Variants in RASEF observed in about 807,000 individuals in gnomAD.
RASEF encodes RAS and EF-hand domain containing.
RASEF carries 68 observed loss-of-function variants against 90.1 expected under a neutral mutation model. That is an observed-to-expected ratio of 0.75 (90% CI 0.62 to 0.92). The LOEUF is 0.92. Ranked by LOEUF, RASEF falls within the 40% of genes least tolerant of loss-of-function variation. The pLI, the probability that RASEF is intolerant of heterozygous loss-of-function variation, is 0.00. For missense variants in RASEF, 949 were observed against 937.2 expected, an observed-to-expected ratio of 1.01 and a Z score of -0.16; for synonymous variants, 331 against 345.2, an observed-to-expected ratio of 0.96 and a Z score of 0.46.
intron 14 of RASEF, among the ~76,000 whole-genome samples, chr9:82,994,241 C>T (rs559359824): frequency 5.3e-5 from 8 of 152,222 alleles, no homozygotes; most frequent in South Asian, 2.1e-4. Flanking sequence ...TTAATGCGCT[C>T]GTTAATTGTG....
chr9:83,063,593 A>G (rs1830255245), upstream of RASEF, among the ~76,000 whole-genome samples: 1 of 152,236 alleles, frequency 6.6e-6, no homozygotes, highest in Non-Finnish European at 1.5e-5. Context: ...TCTAACGTTA[A>G]GGTCCCACTG....
intron 16 of RASEF, among the ~76,000 whole-genome samples, chr9:82,983,431 C>A (rs941582428): frequency 6.6e-6 from 1 of 152,166 alleles, no homozygotes; most frequent in Non-Finnish European, 1.5e-5. Flanking sequence ...TCTCCAAGAT[C>A]TTATGAAAAC....
In RASEF at chr9:82,990,409, G is replaced by A. The variant is rs772621610; in HGVS notation, c.2099C>T (p.Ala700Val). 1 of 1,613,478 alleles carries A rather than the reference G, an allele frequency of 6.2e-7. No individual in the cohort carries two copies. Residue 700 changes from alanine (A) to valine (V), a missense_variant, in exon 16 of 17, where the codon GCT becomes GTT. Physicochemically the swap from Ala to Val is moderately conservative, Grantham distance 64 (BLOSUM62 0). Around this residue, in one of 3 missense-constraint regions of RASEF, gnomAD observed 288 missense variants for 328.4 expected, o/e 0.88. Transcript: ENST00000376447. The stretch of plus-strand genomic sequence containing the variant: ...ACTTTACCGAGCAAGGTGCAGAACA[G>A]CCTCCACTATGTTAGAACCATCTTT... The part of the protein sequence containing the change: ...SAKDGSNIVE[A>V]VLHLAREVKK...
chr9:83,103,639 A>G, the RASEF span, among the ~76,000 whole-genome samples: 1 of 152,190 alleles, frequency 6.6e-6, no homozygotes, highest in African/African-American at 2.4e-5. Context: ...AAGACACAGA[A>G]AAAAAGAGGT....
chr9:83,153,969 T>C, the RASEF span, among the ~76,000 whole-genome samples: 1 of 152,190 alleles, frequency 6.6e-6, no homozygotes, highest in South Asian at 2.1e-4. Context: ...CATGGAATAG[T>C]GGAGAATGCA....
the RASEF span, among the ~76,000 whole-genome samples, chr9:83,129,195 A>G: frequency 6.6e-6 from 1 of 152,114 alleles, no homozygotes; most frequent in African/African-American, 2.4e-5. Context: ...TCACAGGGTC[A>G]GGAGATCGAG....
chr9:83,027,418 T>G (rs902463504), intron 1 of RASEF, among the ~76,000 whole-genome samples: 2 of 152,184 alleles, frequency 1.3e-5, no homozygotes, highest in African/African-American at 4.8e-5. Context: ...CCTGAAGGTC[T>G]AGGGGTCCCC....
the RASEF span, among the ~76,000 whole-genome samples, chr9:83,102,630 G>A: frequency 6.6e-6 from 1 of 152,158 alleles, no homozygotes; most frequent in African/African-American, 2.4e-5. Flanking sequence ...GGAGACAGAG[G>A]GAACGAGGGA....
chr9:83,089,941 G>GATAGATAGATAC, the RASEF span, among the ~76,000 whole-genome samples: 15 of 137,130 alleles, frequency 1.1e-4, no homozygotes, highest in Non-Finnish European at 1.8e-4. Context: ...TAGATAGATA[G>GATAGATAGATAC]ATAGATATAG....
the RASEF span, among the ~76,000 whole-genome samples, chr9:83,079,232 A>C: frequency 6.6e-6 from 1 of 152,042 alleles, no homozygotes; most frequent in African/African-American, 2.4e-5. Context: ...TTTTGTATAG[A>C]GTGTAAGGAA....
chr9:83,083,983 G>A, the RASEF span, among the ~76,000 whole-genome samples: 2 of 151,996 alleles, frequency 1.3e-5, no homozygotes, highest in South Asian at 4.2e-4. Flanking sequence ...AGAATCTATA[G>A]GTTCAACAAC....
At chr9:83,101,261 C>T in the RASEF span, among the ~76,000 whole-genome samples, 1 of 152,166 alleles carries the variant, frequency 6.6e-6, no homozygotes, top group Non-Finnish European at 1.5e-5. Flanking sequence ...AGCACAGTTA[C>T]CTCTTATAAA....
chr9:82,989,192 A>G (rs1828767188), intron 16 of RASEF, among the ~76,000 whole-genome samples: 1 of 151,684 alleles, frequency 6.6e-6, no homozygotes, highest in Admixed American at 6.6e-5. Flanking sequence ...ATGCCAAGTC[A>G]TTAATGTATA....
the RASEF span, among the ~76,000 whole-genome samples, chr9:83,169,860 T>C: frequency 6.6e-5 from 10 of 151,600 alleles, no homozygotes; most frequent in Middle Eastern, 3.4e-3. Context: ...TTGTCAGATT[T>C]CTTTTTATTT....
the RASEF span, among the ~76,000 whole-genome samples, chr9:83,098,449 G>A: frequency 3.9e-5 from 6 of 152,122 alleles, no homozygotes; most frequent in Admixed American, 6.6e-5. Context: ...TGTTTACTAT[G>A]TTTATAATTT....
At chr9:83,144,363 GAAA>G in the RASEF span, among the ~76,000 whole-genome samples, 46 of 44,592 alleles carry the variant, frequency 1.0e-3, 2 homozygotes, top group South Asian at 7.0e-3. Context: ...AAGAAAGAAA[GAAA>G]GAAAGAAAGA....
At chr9:83,098,307 A>G in the RASEF span, among the ~76,000 whole-genome samples, 1 of 152,340 alleles carries the variant, frequency 6.6e-6, no homozygotes, top group East Asian at 1.9e-4. Context: ...GAGTTATAAA[A>G]CACTAAGAAA....
chr9:83,082,153 G>A, the RASEF span, among the ~76,000 whole-genome samples: 4,952 of 152,236 alleles, frequency 0.033, 105 homozygotes, highest in Non-Finnish European at 0.049. Flanking sequence ...ACCAGGCCAG[G>A]ACGGAAAAAA....
At chr9:83,213,082 T>G in the RASEF span, among the ~76,000 whole-genome samples, 1 of 138,182 alleles carries the variant, frequency 7.2e-6, no homozygotes, top group South Asian at 2.3e-4. Flanking sequence ...CAATGCACAA[T>G]GCACACGTTT....
Sources: allele counts gnomAD v4.1 joint callset (sites outside exome capture counted in the v4.1 genomes callset), GRCh38; gene constraint gnomAD v4.1.1; regional missense constraint gnomAD v4.1.1; transcripts MANE v1.5; gene names NCBI Gene and HGNC (gene_info 2026-07-23, HGNC 2026-07-21).